The following NDUFB3 variants were observed in gnomAD, a reference collection of about 807,000 sequenced individuals.
NDUFB3 encodes the protein NADH dehydrogenase [ubiquinone] 1 beta subcomplex subunit 3.
NDUFB3 carries 7 observed loss-of-function variants against 9.0 expected under a neutral mutation model. The ratio of observed to expected loss-of-function variants is 0.78; its 90% CI spans 0.44 to 1.46. NDUFB3 has a LOEUF of 1.46. NDUFB3 is among the 40% of genes most tolerant of loss of function. The pLI, the probability that NDUFB3 is intolerant of heterozygous loss-of-function variation, is 0.01. For missense variants in NDUFB3, 93 were observed against 115.4 expected (o/e 0.81, Z 0.89); for synonymous variants, 29 against 38.5 (o/e 0.75, Z 0.91).
At position 201,085,605 on chromosome 2, in the gene NDUFB3, A is replaced by C. The variant is rs2047283488; in HGVS notation, c.287A>C (p.Lys96Thr). ...CTGGAGTCCCTGAATAAAGATAAGAAGCATCACTGAAGATAATACCTGGAA... is the reference window on the plus strand; with the variant it reads ...CTGGAGTCCCTGAATAAAGATAAGACGCATCACTGAAGATAATACCTGGAA... Reference protein sequence around the residue: ...YYLESLNKDKKHH With the variant: ...YYLESLNKDKTHH The change falls in exon 3 of 3, where the codon AAG becomes ACG. Residue 96 changes from lysine to threonine, a missense_variant. Lys to Thr is a moderately conservative substitution (Grantham distance 78). Transcript: ENST00000237889. The C allele has an allele frequency of 6.2e-7, 1 of 1,610,504 alleles. No individual in the cohort carries two copies. The highest frequency in any genetic ancestry group is 1.3e-5 in the African/African-American group (1 of 74,686).
intron 2 of NDUFB3, among the ~76,000 whole-genome samples, chr2:201,080,999 A>G (rs116331034): frequency 0.052 from 7,865 of 151,846 alleles, 471 homozygotes; most frequent in African/African-American, 0.14. Context: ...CACCGTGCCC[A>G]GCCAAGATCT....
At position 201,078,930 on chromosome 2, in the gene NDUFB3, TC is replaced by T; in HGVS notation, c.50del (p.Pro17GlnfsTer8). 1 of 1,612,926 alleles carries T rather than the reference TC, an allele frequency of 6.2e-7. No individual in the cohort carries two copies. Among genetic ancestry groups the T allele is most frequent in the Non-Finnish European group, 8.5e-7 (1 of 1,179,700 alleles). On this transcript the variant is annotated frameshift_variant, in exon 2 of 3. Coordinates refer to ENST00000237889, the MANE Select transcript of NDUFB3 (RefSeq NM_002491.3). LOFTEE classifies it high-confidence loss of function. The stretch of plus-strand genomic sequence containing the variant: ...AGCATGGACATCATAAAATGGAACT[TC>T]CAGATTATAGACAATGGAAGATAGA... The part of the protein sequence containing the change: ...HEHGHHKMEL[P>X]DYRQWKIEGT...
chr2:201,081,878 C>T (rs1161826613), intron 2 of NDUFB3, among the ~76,000 whole-genome samples: 2 of 150,260 alleles, frequency 1.3e-5, no homozygotes, highest in African/African-American at 2.5e-5. Context: ...TGCAGTGGCA[C>T]GATCTCCGCT....
intron 1 of NDUFB3, among the ~76,000 whole-genome samples, chr2:201,077,788 C>T (rs560533977): frequency 1.4e-4 from 21 of 152,144 alleles, no homozygotes; most frequent in African/African-American, 5.1e-4. Flanking sequence ...ATAAATGTAC[C>T]TACATAATTG....
intron 2 of NDUFB3, among the ~76,000 whole-genome samples, chr2:201,081,394 A>T (rs1324379170): frequency 6.6e-6 from 1 of 151,820 alleles, no homozygotes; most frequent in East Asian, 2.0e-4. Flanking sequence ...GAGACAGGAG[A>T]ATCACTTGAA....
chr2:201,075,279 T>C (rs1408091534), intron 1 of NDUFB3, among the ~76,000 whole-genome samples: 1 of 151,968 alleles, frequency 6.6e-6, no homozygotes, highest in Admixed American at 6.6e-5. Flanking sequence ...TTATATGTTA[T>C]ATTTAGCCGG....
chr2:201,080,272 G>A (rs962994924), intron 2 of NDUFB3, among the ~76,000 whole-genome samples: 4 of 152,118 alleles, frequency 2.6e-5, no homozygotes, highest in African/African-American at 9.7e-5. Flanking sequence ...AATCCATTGA[G>A]TGATTTTTGA....
In NDUFB3 at chr2:201,085,709, T is replaced by A. The variant is rs958318246; in HGVS notation, c.*94T>A. ...CTTGTCTGGTTTATCCCTTACAGAA[T>A]ATTAGTAAGATTTAATCAATTAAAA... On this transcript the variant is annotated 3_prime_UTR_variant, in exon 3 of 3. Coordinates refer to ENST00000237889, the MANE Select transcript of NDUFB3 (RefSeq NM_002491.3). The A allele has an allele frequency of 9.9e-7, 1 of 1,008,512 alleles. No homozygotes were observed. The allele number at this position is 1,008,512 out of a possible 1,614,324, so 62.5% of individuals were successfully genotyped here.
chr2:201,085,155 G>A (rs1355892954), intron 2 of NDUFB3, among the ~76,000 whole-genome samples: 1 of 152,196 alleles, frequency 6.6e-6, no homozygotes, highest in Non-Finnish European at 1.5e-5. Context: ...ACTAGTGTGG[G>A]CAGAGCCCAT....
At position 201,077,938 on chromosome 2, in the gene NDUFB3, G is replaced by A. The variant is rs570992444; in HGVS notation, c.-2-943G>A. 5.3e-5 allele frequency among the ~76,000 whole-genome samples: 8 copies of A among 152,146 alleles called. No individual in the cohort carries two copies. In the South Asian group the frequency reaches 1.7e-3, roughly 32 times the overall value. ...CTAAAGAAAATTTTTAAAACAGGAT[G>A]TATAACCTTTTTATTATACATATTT... is the stretch of plus-strand genomic sequence containing the variant. On this transcript the variant is annotated intron_variant, in intron 1 of 2. Transcript: ENST00000237889.
intron 1 of NDUFB3, among the ~76,000 whole-genome samples, chr2:201,074,773 G>C (rs2047142312): frequency 6.6e-6 from 1 of 152,018 alleles, no homozygotes; most frequent in Non-Finnish European, 1.5e-5. Flanking sequence ...GCCTTTCTAG[G>C]TCTTGCCAGT....
intron 2 of NDUFB3, among the ~76,000 whole-genome samples, chr2:201,081,658 T>G (rs1427728489): frequency 6.6e-6 from 1 of 150,542 alleles, no homozygotes; most frequent in Non-Finnish European, 1.5e-5. Flanking sequence ...TTTTATTTTA[T>G]TTTTCTGGGA....
In NDUFB3 at chr2:201,084,635, C is replaced by T. The variant is rs1424035475; in HGVS notation, c.141-824C>T. 3.9e-5 allele frequency among the ~76,000 whole-genome samples: 6 copies of T among 152,002 alleles called. No individual in the cohort carries two copies. In the East Asian group the frequency reaches 5.8e-4, roughly 15 times the overall value. On this transcript the variant is annotated intron_variant, in intron 2 of 2. Coordinates refer to ENST00000237889, the MANE Select transcript of NDUFB3 (RefSeq NM_002491.3). Reference sequence around the variant, plus strand: ...CTCAGTGACAGAGCAAGACTCCATCCGCCCCCGCCAAAAAAAGAATATTTG... The same window carrying T: ...CTCAGTGACAGAGCAAGACTCCATCTGCCCCCGCCAAAAAAAGAATATTTG...
intron 2 of NDUFB3, 78 bp from the exon 3 acceptor site, chr2:201,085,377 TAGAA>T: frequency 2.7e-6 from 3 of 1,101,682 alleles, no homozygotes; most frequent in South Asian, 2.0e-5. Context: ...TTAAGTCAAT[TAGAA>T]AGATGAAAAT....
chr2:201,083,242 G>A (rs2047249790), intron 2 of NDUFB3, among the ~76,000 whole-genome samples: 1 of 152,046 alleles, frequency 6.6e-6, no homozygotes, highest in Non-Finnish European at 1.5e-5. Flanking sequence ...CATTTGGTGG[G>A]TCACCACTTA....
At chr2:201,077,953 T>G (rs2047182691) in intron 1 of NDUFB3, among the ~76,000 whole-genome samples, 1 of 152,194 alleles carries the variant, frequency 6.6e-6, no homozygotes, top group African/African-American at 2.4e-5. Context: ...ACCTTTTTAT[T>G]ATACATATTT....
chr2:201,083,418 G>C (rs1039326136), intron 2 of NDUFB3, among the ~76,000 whole-genome samples: 1 of 147,454 alleles, frequency 6.8e-6, no homozygotes, highest in Non-Finnish European at 1.5e-5. Context: ...GCAATGGCGA[G>C]ATCTTGGCTC....
chr2:201,084,018 C>T (rs544800181), intron 2 of NDUFB3, among the ~76,000 whole-genome samples: 8 of 151,016 alleles, frequency 5.3e-5, no homozygotes, highest in Admixed American at 2.6e-4. Flanking sequence ...TGGCCGGGCG[C>T]GGTGGCTCAT....
intron 2 of NDUFB3, 125 bp from the exon 3 acceptor site, chr2:201,085,334 G>A (rs1032442409): frequency 1.3e-5 from 8 of 631,358 alleles, no homozygotes; most frequent in African/African-American, 9.2e-5. Context: ...TTCCTATTGC[G>A]ATTCACTTAA....
Sources: allele counts gnomAD v4.1 joint callset (sites outside exome capture counted in the v4.1 genomes callset), GRCh38; gene constraint gnomAD v4.1.1; transcripts MANE v1.5; gene names NCBI Gene and HGNC (gene_info 2026-07-23, HGNC 2026-07-21).